JMJD1C: variants seen among roughly 807,000 people sequenced by gnomAD.
JMJD1C encodes the protein jumonji domain-containing protein 1C.
A neutral mutation model predicts 245.3 loss-of-function variants in JMJD1C; 31 were observed. That is an observed-to-expected ratio of 0.13 (90% CI 0.09 to 0.17). The LOEUF (loss-of-function observed/expected upper bound fraction) is 0.17. JMJD1C is among the 10% of genes least tolerant of loss of function. The pLI is 1.00. For missense variants in JMJD1C, 2,691 were observed against 3,000.2 expected, an observed-to-expected ratio of 0.90 and a Z score of 2.41; for synonymous variants, 1,057 against 1,017.4, an observed-to-expected ratio of 1.04 and a Z score of -0.74.
rs181759874 is a variant in JMJD1C at position 63,389,190 on chromosome 10, T to G, written c.169-8708A>C. 1.1e-3 allele frequency among the ~76,000 whole-genome samples: 167 copies of G among 151,430 alleles called. 1 individual carries two copies. Among genetic ancestry groups the G allele is most frequent in the African/African-American group, 4.0e-3 (166 of 41,248 alleles). On this transcript the variant is annotated intron_variant, in intron 1 of 25. Transcript: ENST00000399262. ...AATACAAAAATTGGTGACATGCCTGTAATCCCAGCTACTCAGGAGGCTGAG... is the reference window on the plus strand; with the variant it reads ...AATACAAAAATTGGTGACATGCCTGGAATCCCAGCTACTCAGGAGGCTGAG...
At chr10:63,482,402 G>A (rs1166667722) in intron 1 of JMJD1C, among the ~76,000 whole-genome samples, 1 of 152,142 alleles carries the variant, frequency 6.6e-6, no homozygotes, top group Non-Finnish European at 1.5e-5. Flanking sequence ...TTGGGAAGCT[G>A]AGGCAGGCGG....
chr10:63,275,642 T>TA (rs1014497753), intron 2 of JMJD1C, among the ~76,000 whole-genome samples: 1 of 151,990 alleles, frequency 6.6e-6, no homozygotes, highest in African/African-American at 2.4e-5. Flanking sequence ...AACTAGAGAT[T>TA]AAAAAAAACT....
chr10:63,429,395 C>G (rs137937744), intron 1 of JMJD1C, among the ~76,000 whole-genome samples: 3 of 152,120 alleles, frequency 2.0e-5, no homozygotes, highest in Non-Finnish European at 4.4e-5. Flanking sequence ...AACTTAAATA[C>G]TGCAGCAATA....
chr10:63,271,423 C>T (rs530770590), intron 2 of JMJD1C, among the ~76,000 whole-genome samples: 7 of 152,190 alleles, frequency 4.6e-5, no homozygotes, highest in Admixed American at 2.0e-4. Flanking sequence ...AATGATCCAC[C>T]GATCTCAGCC....
At chr10:63,427,224 G>T in intron 1 of JMJD1C, 1 of 167,380 alleles carries the variant, frequency 6.0e-6, no homozygotes, top group Non-Finnish European at 1.3e-5. Context: ...GCCGAGCTCC[G>T]GTCCCCGCGT....
chr10:63,387,086 G>A (rs1947666496), intron 1 of JMJD1C, among the ~76,000 whole-genome samples: 1 of 152,074 alleles, frequency 6.6e-6, no homozygotes, highest in Non-Finnish European at 1.5e-5. Flanking sequence ...AAAATCACAT[G>A]GAGTCTACAC....
intron 1 of JMJD1C, among the ~76,000 whole-genome samples, chr10:63,422,084 G>C (rs1589717496): frequency 6.6e-6 from 1 of 151,510 alleles, no homozygotes; most frequent in East Asian, 1.9e-4. Flanking sequence ...TCATAGAAGA[G>C]AGAGACACCA....
At chr10:63,519,551 T>C (rs188287754) in intron 1 of JMJD1C, among the ~76,000 whole-genome samples, 2 of 152,196 alleles carry the variant, frequency 1.3e-5, no homozygotes, top group Non-Finnish European at 2.9e-5. Flanking sequence ...TTCAGTACAT[T>C]AGACATGGTA....
At chr10:63,349,736 A>G (rs925183951) in intron 2 of JMJD1C, among the ~76,000 whole-genome samples, 1 of 152,184 alleles carries the variant, frequency 6.6e-6, no homozygotes, top group African/African-American at 2.4e-5. Context: ...AGTATGAATA[A>G]AAGAATGGAC....
intron 2 of JMJD1C, among the ~76,000 whole-genome samples, chr10:63,317,827 A>T (rs1218318512): frequency 1.3e-5 from 2 of 152,050 alleles, no homozygotes; most frequent in East Asian, 3.9e-4. Context: ...TTCTATTGCT[A>T]CATTAAAGGT....
chr10:63,380,096 C>T (rs1277273631), intron 2 of JMJD1C: 15 of 503,406 alleles, frequency 3.0e-5, no homozygotes, highest in African/African-American at 5.9e-5. Flanking sequence ...TGTGCCACCA[C>T]ATCCAGCTAT....
At chr10:63,310,208 TAAAC>T (rs1203616102) in intron 2 of JMJD1C, among the ~76,000 whole-genome samples, 1 of 152,136 alleles carries the variant, frequency 6.6e-6, no homozygotes, top group East Asian at 1.9e-4. Context: ...ATGATTACAG[TAAAC>T]AGACATTTTC....
chr10:63,432,327 G>C (rs958176430), intron 1 of JMJD1C, among the ~76,000 whole-genome samples: 5 of 152,164 alleles, frequency 3.3e-5, no homozygotes, highest in South Asian at 4.1e-4. Context: ...CACTGCCTTT[G>C]GGACTATCCC....
intron 2 of JMJD1C, among the ~76,000 whole-genome samples, chr10:63,330,120 T>C (rs1941984978): frequency 6.6e-6 from 1 of 152,192 alleles, no homozygotes; most frequent in African/African-American, 2.4e-5. Context: ...CAGGCTGGTC[T>C]CGAACTCCTG....
intron 2 of JMJD1C, among the ~76,000 whole-genome samples, chr10:63,290,032 G>A (rs1017963921): frequency 2.0e-4 from 30 of 152,050 alleles, no homozygotes; most frequent in Middle Eastern, 6.8e-3. Context: ...CATCAAATAA[G>A]CAATAATAAA....
chr10:63,380,518 A>G (rs752012362), intron 1 of JMJD1C, 36 bp from the exon 2 acceptor site: 1 of 1,544,656 alleles, frequency 6.5e-7, no homozygotes, highest in South Asian at 1.1e-5. Context: ...AATTAGCAAA[A>G]TAGAAGAGTG....
intron 2 of JMJD1C, among the ~76,000 whole-genome samples, chr10:63,351,759 G>T (rs1944381528): frequency 1.3e-5 from 2 of 152,090 alleles, no homozygotes; most frequent in East Asian, 1.9e-4. Flanking sequence ...TACCTTCACA[G>T]GTCTGCAAGG....
At position 63,255,622 on chromosome 10, in the gene JMJD1C, C is replaced by T. The variant is rs148347440; in HGVS notation, c.447+9029G>A. Among the ~76,000 whole-genome samples, 153 of 152,310 alleles carry T rather than the reference C, an allele frequency of 1.0e-3. 2 individuals are homozygous for T. The South Asian group carries it at 0.012, about 12-fold the overall frequency. On this transcript the variant is annotated intron_variant, in intron 3 of 25. Coordinates refer to ENST00000399262, the MANE Select transcript of JMJD1C (RefSeq NM_032776.3). ...TCACAATACTCACACCCTTTTAAAACTTAATCTACTTTACATCGTTTCTAT... is the reference window on the plus strand; with the variant it reads ...TCACAATACTCACACCCTTTTAAAATTTAATCTACTTTACATCGTTTCTAT...
chr10:63,477,957 C>A (rs914756350), intron 1 of JMJD1C, among the ~76,000 whole-genome samples: 3 of 151,912 alleles, frequency 2.0e-5, no homozygotes, highest in South Asian at 4.1e-4. Flanking sequence ...ATGCAAGTGG[C>A]AAATAAGCAC....
Sources: allele counts gnomAD v4.1 joint callset (sites outside exome capture counted in the v4.1 genomes callset), GRCh38; gene constraint gnomAD v4.1.1; transcripts MANE v1.5; gene names NCBI Gene and HGNC (gene_info 2026-07-23, HGNC 2026-07-21).